Variants in DLX5 observed in about 807,000 individuals in gnomAD.
The protein encoded by DLX5 is homeobox protein DLX-5.
DLX5 carries 8 observed loss-of-function variants against 27.1 expected under a neutral mutation model. The observed-to-expected ratio is 0.30, with a 90% CI of 0.17 to 0.53. DLX5 has a LOEUF of 0.53. DLX5 is among the 20% of genes least tolerant of loss of function. The pLI is 0.95. For synonymous variants in DLX5, 178 were observed against 161.9 expected (o/e 1.10, Z -0.75); for missense variants, 339 against 375.1 (o/e 0.90, Z 0.80).
rs1158377259 is a variant in DLX5, at chr7:97,024,248, G to A, written c.355+21C>T. ...GTCCTAGTCGCCCTGTATCTGCCCA[G>A]CCTTCCCCCTGTCCATGTACCTGGC... On this transcript the variant is annotated intron_variant, in intron 1 of 2. Transcript: ENST00000648378. This position sits in a 1 kb window ranked among gnomAD's most constrained non-coding sequence, Gnocchi z 4.6. The A allele has an allele frequency of 6.2e-7, 1 of 1,603,938 alleles. No individual in the cohort carries two copies. The highest frequency in any genetic ancestry group is 2.2e-5 in the East Asian group (1 of 44,752).
Position 97,024,650 on chromosome 7 carries a change from C to A in DLX5, c.-27G>T, listed in dbSNP as rs1229520655. The A allele has an allele frequency of 5.1e-6, 8 of 1,564,388 alleles. No homozygotes were observed. Among genetic ancestry groups the A allele is most frequent in the South Asian group, 1.2e-5 (1 of 82,556 alleles). On this transcript the variant is annotated 5_prime_UTR_variant, in exon 1 of 3. Transcript: ENST00000648378. This position sits in a 1 kb window ranked among gnomAD's most constrained non-coding sequence, Gnocchi z 4.6. ...GCTCACGGGCGGCGGCAGCGGCTGT[C>A]CTTGCTGTTGTGGCGGCGGCAGCTG... is the stretch of plus-strand genomic sequence containing the variant.
intron 1 of DLX5, 81 bp from the exon 2 acceptor site, chr7:97,022,450 G>C (rs771156953): frequency 8.2e-6 from 13 of 1,582,778 alleles, no homozygotes; most frequent in East Asian, 2.2e-5. Context: ...TAGAGTCCTA[G>C]AGTTTCTTAC....
At chr7:97,023,507 C>T (rs1033598261) in intron 1 of DLX5, among the ~76,000 whole-genome samples, 1 of 152,008 alleles carries the variant, frequency 6.6e-6, no homozygotes, top group African/African-American at 2.4e-5. Flanking sequence ...AACCTCTCCG[C>T]CGAGCCTCAT....
chr7:97,023,964 C>G (rs1446012608), intron 1 of DLX5, among the ~76,000 whole-genome samples: 2 of 152,212 alleles, frequency 1.3e-5, no homozygotes, highest in African/African-American at 4.8e-5. Context: ...TCTCTCCACC[C>G]CTATCCCCTT....
At chr7:97,021,891 TA>T (rs990028046) in intron 2 of DLX5, 3 of 596,920 alleles carry the variant, frequency 5.0e-6, no homozygotes, top group African/African-American at 1.9e-5. Flanking sequence ...GCCCTAGAAA[TA>T]ACCCTCCGCT....
Position 97,020,584 on chromosome 7 carries a change from T to C in DLX5, c.*152A>G, listed in dbSNP as rs915832816. The C allele has an allele frequency of 1.3e-6, 1 of 795,090 alleles. No homozygotes were observed. Among genetic ancestry groups the C allele is most frequent in the Non-Finnish European group, 1.8e-6 (1 of 556,072 alleles). 49.3% of individuals were successfully genotyped at this position (795,090 alleles called of 1,614,324 possible). ...CCTCTGTAAAAAAAGGGGGGGTCTT[T>C]TGAAATGCAATAACTTACATGCAAA... On this transcript the variant is annotated 3_prime_UTR_variant, in exon 3 of 3. Coordinates refer to ENST00000648378, the MANE Select transcript of DLX5 (RefSeq NM_005221.6).
intron 1 of DLX5, among the ~76,000 whole-genome samples, chr7:97,023,108 GCTCT>G (rs1461798837): frequency 2.6e-5 from 4 of 151,854 alleles, no homozygotes; most frequent in African/African-American, 9.7e-5. Context: ...TCAACCCGGG[GCTCT>G]CTTTTAAAGT....
In DLX5 at chr7:97,020,880, C is replaced by T; in HGVS notation, c.726G>A (p.Pro242=). The T allele has an allele frequency of 6.2e-7, 1 of 1,614,070 alleles. No homozygotes were observed. The highest frequency in any genetic ancestry group is 8.5e-7 in the Non-Finnish European group (1 of 1,179,986). ...SLSHHPHAHP[P]TSNQSPASSY... ...TGGACGCTGGGGACTGGTTGGAGGT[C>T]GGAGGGTGGGCATGAGGGTGGTGGC... The change falls in exon 3 of 3, where the codon CCG becomes CCA. Residue 242 remains proline, a synonymous_variant. Coordinates refer to ENST00000648378, the MANE Select transcript of DLX5 (RefSeq NM_005221.6).
intron 1 of DLX5, among the ~76,000 whole-genome samples, chr7:97,023,697 TTGGAAATGCCTG>T (rs1326418202): frequency 6.6e-6 from 1 of 152,036 alleles, no homozygotes; most frequent in Admixed American, 6.6e-5. Context: ...CTTTTTGTTT[TTGGAAATGCCTG>T]GATAAACCGC....
At chr7:97,021,144 C>T (rs1446223043) in intron 2 of DLX5, 79 bp from the exon 3 acceptor site, 7 of 1,367,042 alleles carry the variant, frequency 5.1e-6, no homozygotes, top group Non-Finnish European at 7.0e-6. Context: ...CGACTGGAGG[C>T]ATCTTCGGAC....
chr7:97,020,572 A>G lies in DLX5; in HGVS notation c.*164T>C, dbSNP rs77382615. The G allele has an allele frequency of 2.9e-5, 19 of 663,670 alleles. No individual in the cohort carries two copies. The highest frequency in any genetic ancestry group is 3.0e-5 in the Non-Finnish European group (13 of 440,186). 41.1% of individuals were successfully genotyped at this position (663,670 alleles called of 1,614,324 possible). ...CGCAAAAAAAGTCCTCTGTAAAAAA[A>G]GGGGGGGTCTTTTGAAATGCAATAA... is the stretch of plus-strand genomic sequence containing the variant. On this transcript the variant is annotated 3_prime_UTR_variant, in exon 3 of 3. Coordinates refer to ENST00000648378, the MANE Select transcript of DLX5 (RefSeq NM_005221.6).
Position 97,020,772 on chromosome 7 carries a change from C to T in DLX5, c.834G>A (p.Gln278=). ...NSHLPPPGSL[Q]HPLALASGTL... The stretch of plus-strand genomic sequence containing the variant: ...TCCCGGAGGCCAGCGCCAGCGGGTG[C>T]TGTAAGGAGCCCGGCGGCGGCAGGT... The change falls in exon 3 of 3, where the codon CAG becomes CAA. Residue 278 remains glutamine (Q), a synonymous_variant. Transcript: ENST00000648378. 1 of 1,608,210 alleles carries T rather than the reference C, an allele frequency of 6.2e-7. No homozygotes were observed. Among genetic ancestry groups the T allele is most frequent in the East Asian group, 2.2e-5 (1 of 44,716 alleles).
Position 97,024,399 on chromosome 7 carries a change from A to G in DLX5, c.225T>C (p.Tyr75=), listed in dbSNP as rs377762040. The change falls in exon 1 of 3, where the codon TAT becomes TAC. Residue 75 remains tyrosine (Y), a synonymous_variant. Coordinates refer to ENST00000648378, the MANE Select transcript of DLX5 (RefSeq NM_005221.6). This position sits in a 1 kb window ranked among gnomAD's most constrained non-coding sequence, Gnocchi z 4.6. Reference sequence around the variant, plus strand: ...CGGAGCCGTTCACGCCGTGATACTGATACTGGTAGGGGTTGAGAGCTTTGC... The same window carrying G: ...CGGAGCCGTTCACGCCGTGATACTGGTACTGGTAGGGGTTGAGAGCTTTGC... ...SYGKALNPYQ[Y]QYHGVNGSAG... is the part of the protein sequence containing the mutation. 12 of 1,614,090 alleles carry G rather than the reference A, an allele frequency of 7.4e-6. No homozygotes were observed. The African/African-American group carries it at 1.5e-4, about 20-fold the overall frequency.
chr7:97,023,023 C>A (rs1337085410), intron 1 of DLX5, among the ~76,000 whole-genome samples: 103 of 104,942 alleles, frequency 9.8e-4, no homozygotes, highest in Non-Finnish European at 1.6e-3. Flanking sequence ...ATGTTCTTGG[C>A]AAAAAAAAAA....
Position 97,024,082 on chromosome 7 carries a change from C to A in DLX5, c.355+187G>T, listed in dbSNP as rs903618012. On this transcript the variant is annotated intron_variant, in intron 1 of 2. Transcript: ENST00000648378. This position sits in a 1 kb window ranked among gnomAD's most constrained non-coding sequence, Gnocchi z 4.6. The stretch of plus-strand genomic sequence containing the variant: ...CTAGTTCGAACCTCCACAGGGCTCT[C>A]CTACTAAAAATCCCTAAAATGCTGG... Among the ~76,000 whole-genome samples the A allele has an allele frequency of 2.0e-5, 3 of 152,174 alleles. No individual in the cohort carries two copies. Among genetic ancestry groups the A allele is most frequent in the African/African-American group, 7.2e-5 (3 of 41,444 alleles).
chr7:97,022,442 G>C, intron 1 of DLX5, 73 bp from the exon 2 acceptor site: 2 of 1,586,452 alleles, frequency 1.3e-6, no homozygotes, highest in Non-Finnish European at 1.7e-6. Flanking sequence ...GCCTCAAATA[G>C]AGTCCTAGAG....
Position 97,020,612 on chromosome 7 carries a change from A to C in DLX5, c.*124T>G. 9.6e-7 allele frequency: 1 copy of C among 1,037,630 alleles called. No individual in the cohort carries two copies. Among genetic ancestry groups the C allele is most frequent in the Non-Finnish European group, 1.3e-6 (1 of 767,300 alleles). 64.3% of individuals were successfully genotyped at this position (1,037,630 alleles called of 1,614,324 possible). A position where few individuals can be genotyped will look rare whatever the true frequency, so the allele number is the denominator to read the frequency against. On this transcript the variant is annotated 3_prime_UTR_variant, in exon 3 of 3. Coordinates refer to ENST00000648378, the MANE Select transcript of DLX5 (RefSeq NM_005221.6). Reference sequence around the variant, plus strand: ...AAATGCAATAACTTACATGCAAAAAAAAGCTTTACACATGAATCTTTTTCA... The same window carrying C: ...AAATGCAATAACTTACATGCAAAAACAAGCTTTACACATGAATCTTTTTCA...
At position 97,020,829 on chromosome 7, in the gene DLX5, C is replaced by A. The variant is rs1405931883; in HGVS notation, c.777G>T (p.Trp259Cys). Residue 259 changes from tryptophan to cysteine, a missense_variant, in exon 3 of 3, where the codon TGG (tryptophan) becomes TGT (cysteine). Physicochemically the swap from Trp to Cys is radical, Grantham distance 215. Transcript: ENST00000648378. Reference sequence around the variant, plus strand: ...TGATTGAGCTGGCTGCACTTGTGTACCAGGATGCAGAGTTCTCCAGGTAGC... The same window carrying A: ...TGATTGAGCTGGCTGCACTTGTGTAACAGGATGCAGAGTTCTCCAGGTAGC... ...ASSYLENSAS[W>C]YTSAASSINS... 1 of 1,613,962 alleles carries A rather than the reference C, an allele frequency of 6.2e-7. No homozygotes were observed.
chr7:97,020,699 G>A lies in DLX5; in HGVS notation c.*37C>T. 1.3e-6 allele frequency: 2 copies of A among 1,499,158 alleles called. No homozygotes were observed. Among genetic ancestry groups the A allele is most frequent in the Middle Eastern group, 1.8e-4 (1 of 5,534 alleles). 92.9% of individuals were successfully genotyped at this position (1,499,158 alleles called of 1,614,324 possible). A position where few individuals can be genotyped will look rare whatever the true frequency, so the allele number is the denominator to read the frequency against. ...TGATTTTCTAGAACAGCAAAACACA[G>A]TAGTCCCAAAAAAGAGAGTAAGAGA... On this transcript the variant is annotated 3_prime_UTR_variant, in exon 3 of 3. Coordinates refer to ENST00000648378, the MANE Select transcript of DLX5 (RefSeq NM_005221.6).
Sources: gnomAD v4.1 joint callset for allele counts (sites outside exome capture counted in the v4.1 genomes callset) on GRCh38, gnomAD v4.1.1 for gene constraint, Gnocchi (gnomAD v3.1) non-coding constraint, MANE v1.5 for transcripts, NCBI Gene and HGNC (gene_info 2026-07-23, HGNC 2026-07-21) for gene names.